Variants in FRMD4A observed in about 807,000 individuals in gnomAD.
FRMD4A encodes FERM domain containing 4A, also known as FERM domain-containing protein 4A.
A neutral mutation model predicts 129.1 loss-of-function variants in FRMD4A; 29 were observed. That is an observed-to-expected ratio of 0.22 (90% CI 0.17 to 0.31). The LOEUF is 0.31. Ranked by LOEUF, FRMD4A falls within the 10% of genes least tolerant of loss-of-function variation. The probability of loss-of-function intolerance (pLI) is 1.00; values close to 1 mark genes in which losing one functional copy is unlikely to be tolerated. For missense variants in FRMD4A, 1,272 were observed against 1,375.8 expected (o/e 0.92, Z 1.19); for synonymous variants, 634 against 571.6 (o/e 1.11, Z -1.56).
At chr10:13,876,335 A>G (rs990558168) in intron 2 of FRMD4A, among the ~76,000 whole-genome samples, 1 of 152,250 alleles carries the variant, frequency 6.6e-6, no homozygotes, top group African/African-American at 2.4e-5. Flanking sequence ...AATTTTTACA[A>G]CGTTCACTCA....
At position 13,660,454 on chromosome 10, in the gene FRMD4A, G is replaced by C. The variant is rs745989123; in HGVS notation, c.1760C>G (p.Ser587Cys). The C allele has an allele frequency of 1.2e-6, 2 of 1,614,046 alleles. No individual in the cohort carries two copies. Among genetic ancestry groups the C allele is most frequent in the South Asian group, 2.2e-5 (2 of 91,084 alleles). Residue 587 changes from serine to cysteine, a missense_variant, in exon 20 of 25, where the codon TCC (serine) becomes TGC (cysteine). Around this residue, in one of 2 missense-constraint regions of FRMD4A, gnomAD observed 972 missense variants for 892.3 expected, o/e 1.09. Coordinates refer to ENST00000357447, the MANE Select transcript of FRMD4A (RefSeq NM_018027.5). ...GTGCATCTGTCGGAGTCCCTCCAGG[G>C]ACTGGGGAGGAGGAGGCCTGTTGTG... ...PSHNRPPPPQ[S>C]LEGLRQMHYH...
chr10:13,886,229 T>TG (rs2094618748), intron 2 of FRMD4A, among the ~76,000 whole-genome samples: 2 of 9,196 alleles, frequency 2.2e-4, no homozygotes, highest in East Asian at 1.6e-3. Flanking sequence ...CTGCCGTTTT[T>TG]GTTTTTTTTC....
chr10:14,214,131 G>A (rs562670760), intron 2 of FRMD4A, among the ~76,000 whole-genome samples: 11 of 152,206 alleles, frequency 7.2e-5, no homozygotes, highest in African/African-American at 1.2e-4. Context: ...CTGTGAGTCC[G>A]TTAAACCTCT....
At chr10:13,747,504 G>C (rs1045250951) in intron 9 of FRMD4A, among the ~76,000 whole-genome samples, 5 of 147,356 alleles carry the variant, frequency 3.4e-5, no homozygotes, top group Non-Finnish European at 4.5e-5. Flanking sequence ...ACTCCAGCCT[G>C]GGTGACAAAG....
At chr10:13,668,765 T>C (rs902981066) in intron 17 of FRMD4A, among the ~76,000 whole-genome samples, 2 of 152,194 alleles carry the variant, frequency 1.3e-5, no homozygotes. Flanking sequence ...GCCAGGTATC[T>C]GCCCAGCAAC....
intron 2 of FRMD4A, among the ~76,000 whole-genome samples, chr10:14,216,055 G>A (rs1348602188): frequency 2.0e-5 from 3 of 152,078 alleles, no homozygotes; most frequent in East Asian, 1.9e-4. Flanking sequence ...GTTCTGTAGC[G>A]GCACCTAAGG....
chr10:13,879,127 A>C (rs1181161397), intron 2 of FRMD4A, among the ~76,000 whole-genome samples: 1 of 152,148 alleles, frequency 6.6e-6, no homozygotes, highest in Admixed American at 6.5e-5. Flanking sequence ...TATATTAATA[A>C]ATCTATTTAA....
chr10:13,946,484 A>G (rs563369925), intron 2 of FRMD4A, among the ~76,000 whole-genome samples: 32 of 152,344 alleles, frequency 2.1e-4, no homozygotes, highest in Middle Eastern at 3.4e-3. Context: ...TTCCCAAGTC[A>G]TGTACATGTG....
intron 2 of FRMD4A, among the ~76,000 whole-genome samples, chr10:14,020,686 T>G (rs1832704477): frequency 6.6e-6 from 1 of 152,024 alleles, no homozygotes; most frequent in African/African-American, 2.4e-5. Context: ...TTGTTTTGTT[T>G]AGAGGCCATG....
intron 2 of FRMD4A, chr10:13,971,697 G>C (rs1230514892): frequency 7.7e-7 from 1 of 1,304,310 alleles, no homozygotes; most frequent in Admixed American, 2.3e-5. Context: ...TTTAGCAGCA[G>C]CTGCAGAACT....
chr10:14,083,423 G>A (rs1167763259), intron 2 of FRMD4A: 1 of 152,370 alleles, frequency 6.6e-6, no homozygotes, highest in East Asian at 1.9e-4. Context: ...ACCTGCTCTT[G>A]GCCACTACAC....
chr10:13,957,867 A>C (rs1215663220), intron 2 of FRMD4A, among the ~76,000 whole-genome samples: 1 of 152,058 alleles, frequency 6.6e-6, no homozygotes, highest in Admixed American at 6.6e-5. Flanking sequence ...TACAAAGTTG[A>C]TTACATACGG....
intron 2 of FRMD4A, among the ~76,000 whole-genome samples, chr10:13,999,181 A>G (rs1159292992): frequency 6.6e-6 from 1 of 151,900 alleles, no homozygotes; most frequent in Non-Finnish European, 1.5e-5. Flanking sequence ...CTTCCTTGAG[A>G]GCCACATTAT....
rs183229331 is a variant in FRMD4A at position 14,076,304 on chromosome 10, G to T, written c.46-217392C>A. On this transcript the variant is annotated intron_variant, in intron 2 of 24. Transcript: ENST00000357447. ...TTGGGTTTACTTTGTCATTTCCAGG[G>T]CTGGGTTAAAGCCATCATGTAATGA... Among the ~76,000 whole-genome samples, 3 of 152,264 alleles carry T rather than the reference G, an allele frequency of 2.0e-5. No homozygotes were observed. The East Asian group carries it at 5.8e-4, about 29-fold the overall frequency.
chr10:14,215,758 A>C (rs1843055602), intron 2 of FRMD4A, among the ~76,000 whole-genome samples: 1 of 152,126 alleles, frequency 6.6e-6, no homozygotes, highest in African/African-American at 2.4e-5. Flanking sequence ...GTCTACATTA[A>C]CTAATCAGTC....
intron 16 of FRMD4A, among the ~76,000 whole-genome samples, chr10:13,673,958 G>C (rs372110040): frequency 1.3e-5 from 2 of 151,824 alleles, no homozygotes; most frequent in African/African-American, 4.8e-5. Flanking sequence ...TGTAGAGACA[G>C]GGTCTCACTA....
chr10:14,167,024 C>T (rs558364068), intron 2 of FRMD4A, among the ~76,000 whole-genome samples: 6 of 152,114 alleles, frequency 3.9e-5, no homozygotes, highest in Non-Finnish European at 7.4e-5. Context: ...TGGTGTCTGA[C>T]ACATCAACAG....
chr10:14,065,696 G>T (rs1835023089), intron 2 of FRMD4A, among the ~76,000 whole-genome samples: 1 of 152,168 alleles, frequency 6.6e-6, no homozygotes, highest in Admixed American at 6.5e-5. Context: ...AAGGGCTGAT[G>T]TAACCAAAAT....
chr10:14,317,832 G>C (rs1298273746), intron 2 of FRMD4A, among the ~76,000 whole-genome samples: 1 of 150,578 alleles, frequency 6.6e-6, no homozygotes, highest in Non-Finnish European at 1.5e-5. Context: ...CCAAAAAATA[G>C]TCACAGATTT....
Sources: allele counts gnomAD v4.1 joint callset (sites outside exome capture counted in the v4.1 genomes callset), GRCh38; gene constraint gnomAD v4.1.1; regional missense constraint gnomAD v4.1.1; transcripts MANE v1.5; gene names NCBI Gene and HGNC (gene_info 2026-07-23, HGNC 2026-07-21).